ATP1A4: variants seen among roughly 807,000 people sequenced by gnomAD.
ATP1A4 encodes ATPase Na+/K+ transporting subunit alpha 4.
In ATP1A4, 90 loss-of-function variants were observed where a neutral mutation model predicts 114.3. That is an observed-to-expected ratio of 0.79 (90% confidence interval 0.66 to 0.94). ATP1A4 has a LOEUF of 0.94. ATP1A4 is among the 40% of genes least tolerant of loss of function. The pLI, the probability that ATP1A4 is intolerant of heterozygous loss-of-function variation, is 0.00. For synonymous variants in ATP1A4, 511 were observed against 494.1 expected, an observed-to-expected ratio of 1.03 and a Z score of -0.45; for missense variants, 1,222 against 1,313.6, an observed-to-expected ratio of 0.93 and a Z score of 1.08.
At chr1:160,167,655 T>C (rs1329773621) in intron 10 of ATP1A4, among the ~76,000 whole-genome samples, 4 of 152,086 alleles carry the variant, frequency 2.6e-5, no homozygotes, top group Non-Finnish European at 1.5e-5. Flanking sequence ...CTCTGCCACT[T>C]GGGGAAAAAG....
chr1:160,185,306 T>C (rs1653841389), intron 20 of ATP1A4, among the ~76,000 whole-genome samples: 1 of 151,932 alleles, frequency 6.6e-6, no homozygotes, highest in Non-Finnish European at 1.5e-5. Flanking sequence ...AGAGACGGCG[T>C]TTCACCATGT....
At chr1:160,181,399 A>C (rs1445925556) in intron 18 of ATP1A4, among the ~76,000 whole-genome samples, 1 of 151,872 alleles carries the variant, frequency 6.6e-6, no homozygotes, top group Non-Finnish European at 1.5e-5. Context: ...CTAAAAATAC[A>C]CAAAAATTAG....
chr1:160,166,638 G>A lies in ATP1A4; in HGVS notation c.1158G>A (p.Thr386=), dbSNP rs537531836. ...CGTCCACCATCTGCTCAGACAAGAC[G>A]GGCACCCTCACCCAGAACCGCATGA... ...GSTSTICSDK[T]GTLTQNRMTV... The change falls in exon 8 of 22, where the codon ACG becomes ACA. Residue 386 remains threonine (T), a synonymous_variant. Transcript: ENST00000368081. 30 of 1,614,190 alleles carry A rather than the reference G, an allele frequency of 1.9e-5. No homozygotes were observed. The highest frequency in any genetic ancestry group is 1.6e-4 in the Middle Eastern group (1 of 6,062).
chr1:160,161,295 C>T (rs977581248), intron 6 of ATP1A4, among the ~76,000 whole-genome samples: 1 of 152,182 alleles, frequency 6.6e-6, no homozygotes, highest in African/African-American at 2.4e-5. Context: ...TTACCCTTGC[C>T]TCCCATGTCT....
chr1:160,167,572 G>A (rs1284494014), intron 10 of ATP1A4, 160 bp downstream of exon 10: 1 of 999,726 alleles, frequency 1.0e-6, no homozygotes, highest in Non-Finnish European at 1.5e-6. Context: ...AAGAGAACGT[G>A]ACAAACAGGT....
At chr1:160,170,648 A>G (rs1412272183) in intron 10 of ATP1A4, 1 of 145,614 alleles carries the variant, frequency 6.9e-6, no homozygotes, top group Non-Finnish European at 1.5e-5. Flanking sequence ...CAATAGCGCA[A>G]TCTTGGCTCA....
At chr1:160,155,482 T>G (rs1397754066) in intron 3 of ATP1A4, among the ~76,000 whole-genome samples, 1 of 152,116 alleles carries the variant, frequency 6.6e-6, no homozygotes, top group Non-Finnish European at 1.5e-5. Flanking sequence ...AAAATGTAAT[T>G]AAATGTACAT....
At chr1:160,153,294 T>C in intron 2 of ATP1A4, 70 bp downstream of exon 2, 1 of 1,410,662 alleles carries the variant, frequency 7.1e-7, no homozygotes, top group Non-Finnish European at 1.0e-6. Context: ...GGACAAAAGC[T>C]GAACTAGGAA....
chr1:160,153,741 T>C (rs1652538399), intron 2 of ATP1A4, among the ~76,000 whole-genome samples: 1 of 152,232 alleles, frequency 6.6e-6, no homozygotes, highest in African/African-American at 2.4e-5. Flanking sequence ...TAATAGAAGA[T>C]AGCTGGATTC....
chr1:160,182,561 G>GA, intron 20 of ATP1A4: 1 of 153,668 alleles, frequency 6.5e-6, no homozygotes, highest in Non-Finnish European at 1.5e-5. Context: ...AATGTACAGA[G>GA]AAAAAAGCAA....
chr1:160,154,791 G>C (rs780146771), intron 2 of ATP1A4, among the ~76,000 whole-genome samples: 2 of 152,152 alleles, frequency 1.3e-5, no homozygotes, highest in African/African-American at 4.8e-5. Flanking sequence ...ACCCGAGATA[G>C]GTTCTCAAGT....
intron 6 of ATP1A4, among the ~76,000 whole-genome samples, chr1:160,161,636 C>T (rs56744498): frequency 0.04 from 6,049 of 152,234 alleles, 397 homozygotes; most frequent in African/African-American, 0.14. Flanking sequence ...CCTCCTCCAC[C>T]CGGCCCAAAA....
intron 7 of ATP1A4, 67 bp downstream of exon 7, chr1:160,164,491 C>T (rs575447763): frequency 7.8e-6 from 12 of 1,542,624 alleles, no homozygotes; most frequent in South Asian, 5.9e-5. Context: ...GGATCACTAG[C>T]GTCTCTTTTG....
At chr1:160,154,265 A>T (rs1652557434) in intron 2 of ATP1A4, among the ~76,000 whole-genome samples, 1 of 152,072 alleles carries the variant, frequency 6.6e-6, no homozygotes, top group Non-Finnish European at 1.5e-5. Context: ...GAGGCAGGAG[A>T]ATCACTTGAA....
intron 10 of ATP1A4, among the ~76,000 whole-genome samples, chr1:160,167,780 G>C (rs1481667608): frequency 1.3e-5 from 2 of 152,200 alleles, no homozygotes; most frequent in Non-Finnish European, 2.9e-5. Flanking sequence ...TAGGAGATTT[G>C]CCGCTGCAGT....
intron 21 of ATP1A4, 116 bp from the exon 22 acceptor site, chr1:160,186,555 G>T: frequency 8.0e-7 from 1 of 1,246,754 alleles, no homozygotes; most frequent in Non-Finnish European, 1.1e-6. Flanking sequence ...GACCCTCAGT[G>T]CCCTGTGTTC....
intron 18 of ATP1A4, among the ~76,000 whole-genome samples, chr1:160,178,225 C>T (rs753967026): frequency 9.2e-5 from 14 of 151,818 alleles, no homozygotes; most frequent in Admixed American, 2.0e-4. Context: ...CGTGGTGGCG[C>T]ATGCCTGTAA....
intron 14 of ATP1A4, 135 bp from the exon 15 acceptor site, chr1:160,174,444 G>T: frequency 6.9e-7 from 1 of 1,439,358 alleles, no homozygotes; most frequent in South Asian, 1.4e-5. Flanking sequence ...CAGGAGGAGT[G>T]GGAGAAGGAC....
At chr1:160,154,047 T>G (rs918267966) in intron 2 of ATP1A4, among the ~76,000 whole-genome samples, 1 of 152,182 alleles carries the variant, frequency 6.6e-6, no homozygotes, top group Non-Finnish European at 1.5e-5. Context: ...TTCATGTTTT[T>G]TGTTAGTATT....
Sources: gnomAD v4.1 joint callset for allele counts (sites outside exome capture counted in the v4.1 genomes callset) on GRCh38, gnomAD v4.1.1 for gene constraint, MANE v1.5 for transcripts, NCBI Gene and HGNC (gene_info 2026-07-23, HGNC 2026-07-21) for gene names.